The following MLLT1 variants were observed in gnomAD, a reference collection of about 807,000 sequenced individuals.
MLLT1 encodes the protein protein ENL.
A neutral mutation model predicts 55.1 loss-of-function variants in MLLT1; 11 were observed. That is an observed-to-expected ratio of 0.20 (90% CI 0.13 to 0.33). The LOEUF is 0.33. Ranked by LOEUF, MLLT1 falls within the 10% of genes least tolerant of loss-of-function variation. The probability of loss-of-function intolerance (pLI) is 1.00; values close to 1 mark genes in which losing one functional copy is unlikely to be tolerated. For synonymous variants in MLLT1, 323 were observed against 320.1 expected (o/e 1.01, Z -0.10); for missense variants, 536 against 760.6 (o/e 0.70, Z 3.47).
rs545676548 is a variant in MLLT1, at chr19:6,212,891, C to T, written c.*151G>A. Reference sequence around the variant, plus strand: ...GGAGCGGGGAGAGTGGGCAGGGAGCCGCCGAGGAAAGTGCAGCGGGCTGTG... The same window carrying T: ...GGAGCGGGGAGAGTGGGCAGGGAGCTGCCGAGGAAAGTGCAGCGGGCTGTG... On this transcript the variant is annotated 3_prime_UTR_variant, in exon 12 of 12. Transcript: ENST00000252674. The T allele has an allele frequency of 6.2e-5, 69 of 1,104,558 alleles. No homozygotes were observed. The highest frequency in any genetic ancestry group is 5.1e-4 in the African/African-American group (32 of 62,504). 68.4% of individuals were successfully genotyped at this position (1,104,558 alleles called of 1,614,324 possible). A position where few individuals can be genotyped will look rare whatever the true frequency, so the allele number is the denominator to read the frequency against.
At chr19:6,275,420 G>A (rs2091422825) in intron 1 of MLLT1, among the ~76,000 whole-genome samples, 2 of 152,170 alleles carry the variant, frequency 1.3e-5, no homozygotes, top group African/African-American at 2.4e-5. Context: ...AGGCTTGGGC[G>A]ATCCCATGGA....
rs2091316384 is a variant in MLLT1 at position 6,262,782 on chromosome 19, G to C, written c.194-472C>G. Among the ~76,000 whole-genome samples, 1 of 152,122 alleles carries C rather than the reference G, an allele frequency of 6.6e-6. No individual in the cohort carries two copies. Among genetic ancestry groups the C allele is most frequent in the South Asian group, 2.1e-4 (1 of 4,828 alleles). On this transcript the variant is annotated intron_variant, in intron 2 of 11. Transcript: ENST00000252674. The surrounding 1 kb of genome is among the most constrained non-coding windows in gnomAD (Gnocchi z 4.4). ...CCACGGACACATGCACTGGGAGACA[G>C]GGGAGCCCCAGGTGGCTGGGACCCT...
At position 6,231,837 on chromosome 19, in the gene MLLT1, C is replaced by T. The variant is rs2091013723; in HGVS notation, c.277-1124G>A. On this transcript the variant is annotated intron_variant, in intron 3 of 11. Transcript: ENST00000252674. The surrounding 1 kb of genome is among the most constrained non-coding windows in gnomAD (Gnocchi z 5.1). ...ATTTCATCTGCTTTTCCTTAAGAAC[C>T]CTGCCCCATCCCAAATGATGTAAGC... Among the ~76,000 whole-genome samples, 1 of 152,126 alleles carries T rather than the reference C, an allele frequency of 6.6e-6. No homozygotes were observed. The highest frequency in any genetic ancestry group is 1.5e-5 in the Non-Finnish European group (1 of 68,024).
In MLLT1 at chr19:6,267,613, T is replaced by A. The variant is rs111932781; in HGVS notation, c.193+2966A>T. On this transcript the variant is annotated intron_variant, in intron 2 of 11. Transcript: ENST00000252674. Reference sequence around the variant, plus strand: ...CACACAGACCTGACTTTGAGCCTTCTCTCTGGAGTGGCCCAGAGTTCAGGA... The same window carrying A: ...CACACAGACCTGACTTTGAGCCTTCACTCTGGAGTGGCCCAGAGTTCAGGA... Among the ~76,000 whole-genome samples, 397 of 152,250 alleles carry A rather than the reference T, an allele frequency of 2.6e-3. 1 individual carries two copies. The highest frequency in any genetic ancestry group is 9.1e-3 in the African/African-American group (378 of 41,538).
At chr19:6,260,206 G>A (rs2091292502) in intron 3 of MLLT1, among the ~76,000 whole-genome samples, 1 of 152,102 alleles carries the variant, frequency 6.6e-6, no homozygotes, top group Non-Finnish European at 1.5e-5. Flanking sequence ...ACACAGGGGA[G>A]GATGCTGGGC....
intron 2 of MLLT1, among the ~76,000 whole-genome samples, chr19:6,264,892 TAAAAAAAAA>T (rs34494210): frequency 6.8e-5 from 5 of 73,634 alleles, no homozygotes; most frequent in Non-Finnish European, 7.7e-5. Flanking sequence ...GAAACTCTGT[TAAAAAAAAA>T]AAAAAAAAAA....
chr19:6,277,091 C>T (rs939858847), intron 1 of MLLT1, among the ~76,000 whole-genome samples: 1 of 152,208 alleles, frequency 6.6e-6, no homozygotes, highest in Non-Finnish European at 1.5e-5. Flanking sequence ...GGGTTCTGCT[C>T]GATTCAAAGC....
chr19:6,246,771 C>G (rs920120106), intron 3 of MLLT1, among the ~76,000 whole-genome samples: 1 of 152,102 alleles, frequency 6.6e-6, no homozygotes, highest in Non-Finnish European at 1.5e-5. Context: ...AACTAATAAC[C>G]GGATGGGCAG....
Position 6,213,921 on chromosome 19 carries a change from T to C in MLLT1, c.1407+18A>G. On this transcript the variant is annotated intron_variant, in intron 9 of 11. Coordinates refer to ENST00000252674, the MANE Select transcript of MLLT1 (RefSeq NM_005934.4). ...CCCGGCCTCTGGTGCACCCCCTGCC[T>C]GCAGGCCCCAGGCTCACCTTGCTGT... 6.8e-7 allele frequency: 1 copy of C among 1,463,184 alleles called. No individual in the cohort carries two copies. The highest frequency in any genetic ancestry group is 9.2e-7 in the Non-Finnish European group (1 of 1,091,434). The allele number at this position is 1,463,184 out of a possible 1,614,324, so 90.6% of individuals were successfully genotyped here.
intron 6 of MLLT1, 31 bp from the exon 7 acceptor site, chr19:6,218,072 G>T: frequency 6.3e-7 from 1 of 1,576,482 alleles, no homozygotes; most frequent in East Asian, 2.4e-5. Context: ...GGCAGGGAGG[G>T]GAGAAAGGGA....
Position 6,230,448 on chromosome 19 carries a change from C to G in MLLT1, c.420+122G>C. On this transcript the variant is annotated intron_variant, in intron 4 of 11. Coordinates refer to ENST00000252674, the MANE Select transcript of MLLT1 (RefSeq NM_005934.4). This position sits in a 1 kb window ranked among gnomAD's most constrained non-coding sequence, Gnocchi z 9.0. ...CCCCTCCAGCTCTGCTGGGTGCTGCCGTGTGACCTGCGCCTTGGGTCTCGG... is the reference window on the plus strand; with the variant it reads ...CCCCTCCAGCTCTGCTGGGTGCTGCGGTGTGACCTGCGCCTTGGGTCTCGG... 8.2e-7 allele frequency: 1 copy of G among 1,220,800 alleles called. No homozygotes were observed. The highest frequency in any genetic ancestry group is 1.1e-6 in the Non-Finnish European group (1 of 884,364). The allele number at this position is 1,220,800 out of a possible 1,614,324, so 75.6% of individuals were successfully genotyped here. A position where few individuals can be genotyped will look rare whatever the true frequency, so the allele number is the denominator to read the frequency against.
chr19:6,221,614 T>C (rs1332254917), intron 6 of MLLT1, among the ~76,000 whole-genome samples: 1 of 152,144 alleles, frequency 6.6e-6, no homozygotes, highest in African/African-American at 2.4e-5. Context: ...GCCACCTAAA[T>C]AGGGAGCCGG....
chr19:6,232,138 AGGCAGGAGAATCAC>A (rs2091017423), intron 3 of MLLT1, among the ~76,000 whole-genome samples: 1 of 152,178 alleles, frequency 6.6e-6, no homozygotes, highest in Non-Finnish European at 1.5e-5. Context: ...CGGGAGACTG[AGGCAGGAGAATCAC>A]TTGAATCCGG....
intron 1 of MLLT1, among the ~76,000 whole-genome samples, chr19:6,274,914 G>A (rs2091420254): frequency 6.6e-6 from 1 of 152,232 alleles, no homozygotes; most frequent in Admixed American, 6.5e-5. Flanking sequence ...GAGGGCACTT[G>A]GAACCAAAGG....
intron 8 of MLLT1, 65 bp downstream of exon 8, chr19:6,216,340 T>C: frequency 1.6e-6 from 2 of 1,213,302 alleles, no homozygotes; most frequent in Non-Finnish European, 1.2e-6. Flanking sequence ...CCACAATCAC[T>C]GCAGACCCAG....
intron 1 of MLLT1, among the ~76,000 whole-genome samples, chr19:6,275,241 T>G (rs2091422179): frequency 6.6e-6 from 1 of 152,182 alleles, no homozygotes; most frequent in Admixed American, 6.5e-5. Context: ...ACACCTGGAG[T>G]TCGGCTACTG....
chr19:6,267,681 GC>G (rs2091359891), intron 2 of MLLT1, among the ~76,000 whole-genome samples: 1 of 152,194 alleles, frequency 6.6e-6, no homozygotes, highest in South Asian at 2.1e-4. Context: ...GTCCCAACCA[GC>G]CTGATGGTGA....
At chr19:6,263,830 G>A (rs1312819858) in intron 2 of MLLT1, among the ~76,000 whole-genome samples, 5 of 152,074 alleles carry the variant, frequency 3.3e-5, no homozygotes, top group South Asian at 2.1e-4. Context: ...CCATGGGGGC[G>A]CCGCAGGGCA....
intron 3 of MLLT1, among the ~76,000 whole-genome samples, chr19:6,237,022 G>A (rs1259709761): frequency 2.6e-5 from 4 of 152,376 alleles, no homozygotes; most frequent in Admixed American, 2.0e-4. Context: ...AGATGCAGAC[G>A]AACTGGCCAA....
Sources: gnomAD v4.1 joint callset for allele counts (sites outside exome capture counted in the v4.1 genomes callset) on GRCh38, gnomAD v4.1.1 for gene constraint, Gnocchi (gnomAD v3.1) non-coding constraint, MANE v1.5 for transcripts, NCBI Gene and HGNC (gene_info 2026-07-23, HGNC 2026-07-21) for gene names.